The following TRHDE variants were observed in gnomAD, a reference collection of about 807,000 sequenced individuals.
The protein encoded by TRHDE is thyrotropin-releasing hormone-degrading ectoenzyme.
In TRHDE, 72 loss-of-function variants were observed where a neutral mutation model predicts 125.7. The ratio of observed to expected loss-of-function variants is 0.57; its 90% CI spans 0.47 to 0.70. The LOEUF (loss-of-function observed/expected upper bound fraction) is 0.70, where lower values mean the gene tolerates loss of function less well. Among genes scored for constraint, TRHDE ranks in the 30% least tolerant of loss-of-function variants. TRHDE has a pLI of 0.00. For missense variants in TRHDE, 1,110 were observed against 1,327.1 expected (o/e 0.84, Z 2.54); for synonymous variants, 509 against 509.1 (o/e 1.00, Z 0.00).
intron 2 of TRHDE, among the ~76,000 whole-genome samples, chr12:72,159,077 A>G (rs1876579475): frequency 2.0e-5 from 3 of 152,192 alleles, no homozygotes; most frequent in Non-Finnish European, 4.4e-5. Context: ...TATGATTTTA[A>G]TTACAGTAAC....
At chr12:72,383,295 C>A (rs1044158569) in intron 3 of TRHDE, among the ~76,000 whole-genome samples, 4 of 151,138 alleles carry the variant, frequency 2.6e-5, no homozygotes, top group Non-Finnish European at 4.4e-5. Flanking sequence ...AAAAGCATAT[C>A]GATAACAATG....
chr12:72,503,722 T>C (rs1306860894), intron 6 of TRHDE, among the ~76,000 whole-genome samples: 1 of 152,218 alleles, frequency 6.6e-6, no homozygotes, highest in African/African-American at 2.4e-5. Flanking sequence ...AATTTCTAGA[T>C]GATCCTTAAG....
intron 3 of TRHDE, among the ~76,000 whole-genome samples, chr12:72,450,698 AT>A (rs1462414939): frequency 6.6e-6 from 1 of 152,074 alleles, no homozygotes; most frequent in Non-Finnish European, 1.5e-5. Context: ...TCTATTTTTA[AT>A]TTATTTAGGA....
At chr12:72,643,089 T>G (rs1009190638) in intron 15 of TRHDE, among the ~76,000 whole-genome samples, 2 of 152,194 alleles carry the variant, frequency 1.3e-5, no homozygotes, top group Admixed American at 6.5e-5. Context: ...AAAATGATCT[T>G]GTGAACTTTA....
intron 3 of TRHDE, among the ~76,000 whole-genome samples, chr12:72,380,768 T>C (rs1215302057): frequency 1.0e-5 from 1 of 96,290 alleles, no homozygotes; most frequent in Non-Finnish European, 2.4e-5. Context: ...CCTTCCTTGC[T>C]TCCTTCCTTC....
chr12:72,392,317 G>C (rs988427196), intron 3 of TRHDE, among the ~76,000 whole-genome samples: 5 of 152,180 alleles, frequency 3.3e-5, no homozygotes, highest in African/African-American at 1.2e-4. Flanking sequence ...AAAGAGTATG[G>C]CAACCACATG....
At chr12:72,572,816 A>G (rs1312042299) in intron 10 of TRHDE, among the ~76,000 whole-genome samples, 1 of 152,024 alleles carries the variant, frequency 6.6e-6, no homozygotes, top group Non-Finnish European at 1.5e-5. Context: ...TGTTGAAATT[A>G]AGTTTAAAAA....
chr12:72,453,709 C>A (rs1875694296), intron 3 of TRHDE, among the ~76,000 whole-genome samples: 1 of 152,212 alleles, frequency 6.6e-6, no homozygotes, highest in Admixed American at 6.5e-5. Context: ...GACAGAATGG[C>A]TTCCTGAGCC....
intron 1 of TRHDE, among the ~76,000 whole-genome samples, chr12:72,286,386 G>GTGATTT (rs1268324335): frequency 1.3e-5 from 2 of 152,212 alleles, no homozygotes; most frequent in Admixed American, 6.5e-5. Flanking sequence ...TCTGGCCAGT[G>GTGATTT]TGATGCCAGT....
chr12:72,368,853 A>G (rs1164377886), intron 2 of TRHDE, among the ~76,000 whole-genome samples: 9 of 152,068 alleles, frequency 5.9e-5, no homozygotes, highest in Admixed American at 5.9e-4. Context: ...TTCTACCCTA[A>G]TAGTGTTGAG....
chr12:72,193,156 GAA>G (rs146051964), intron 2 of TRHDE, among the ~76,000 whole-genome samples: 9 of 151,394 alleles, frequency 5.9e-5, no homozygotes, highest in Non-Finnish European at 3.0e-5. Flanking sequence ...AACATATAAA[GAA>G]AAAAAAGTTT....
At chr12:72,280,595 C>T (rs1163079463) in intron 1 of TRHDE, among the ~76,000 whole-genome samples, 2 of 152,154 alleles carry the variant, frequency 1.3e-5, no homozygotes, top group Non-Finnish European at 2.9e-5. Context: ...GTATTTCAGC[C>T]AGAGAATCTC....
At chr12:72,617,926 A>T (rs892272752) in intron 12 of TRHDE, among the ~76,000 whole-genome samples, 12 of 152,170 alleles carry the variant, frequency 7.9e-5, no homozygotes, top group Non-Finnish European at 1.3e-4. Flanking sequence ...CACAATGGAT[A>T]TTAGGTTCCA....
intron 2 of TRHDE, among the ~76,000 whole-genome samples, chr12:72,354,296 T>C (rs1870716199): frequency 6.6e-6 from 1 of 151,572 alleles, no homozygotes; most frequent in Admixed American, 6.6e-5. Flanking sequence ...GAATAGAAAG[T>C]ACATGAGAGT....
At chr12:72,556,625 C>T (rs369743325) in intron 7 of TRHDE, among the ~76,000 whole-genome samples, 2 of 152,182 alleles carry the variant, frequency 1.3e-5, no homozygotes, top group Admixed American at 1.3e-4. Flanking sequence ...AGTATTTTGT[C>T]CCTTCCATTT....
chr12:72,276,393 G>A (rs770969595), intron 1 of TRHDE, among the ~76,000 whole-genome samples: 1 of 152,176 alleles, frequency 6.6e-6, no homozygotes, highest in Non-Finnish European at 1.5e-5. Context: ...AACTTGAAAT[G>A]CTTAAAACAG....
intron 12 of TRHDE, among the ~76,000 whole-genome samples, chr12:72,591,424 C>G (rs1871676678): frequency 2.0e-5 from 3 of 151,992 alleles, no homozygotes. Flanking sequence ...CTACATAAGT[C>G]CATATGCTAT....
intron 5 of TRHDE, among the ~76,000 whole-genome samples, chr12:72,492,122 GAA>G (rs557238353): frequency 2.6e-5 from 4 of 152,044 alleles, no homozygotes; most frequent in African/African-American, 9.6e-5. Context: ...GGCTGCAAGA[GAA>G]AATAATTAAT....
At chr12:72,317,944 T>C (rs1868884529) in intron 2 of TRHDE, among the ~76,000 whole-genome samples, 1 of 151,414 alleles carries the variant, frequency 6.6e-6, no homozygotes, top group South Asian at 2.1e-4. Flanking sequence ...AGGTAAGAGG[T>C]TGGGGGAGTG....
Sources: allele counts gnomAD v4.1 joint callset (sites outside exome capture counted in the v4.1 genomes callset), GRCh38; gene constraint gnomAD v4.1.1; transcripts MANE v1.5; gene names NCBI Gene and HGNC (gene_info 2026-07-23, HGNC 2026-07-21).